BLTP3A: variants seen among roughly 807,000 people sequenced by gnomAD.
The protein encoded by BLTP3A is ICBP90 binding protein 1.
chr6:34,801,136 G>A, the BLTP3A span, among the ~76,000 whole-genome samples: 1 of 152,150 alleles, frequency 6.6e-6, no homozygotes, highest in African/African-American at 2.4e-5. Flanking sequence ...GAGTGCATTG[G>A]TTGTATGTAG....
At chr6:34,847,021 A>G in the BLTP3A span, among the ~76,000 whole-genome samples, 1 of 152,176 alleles carries the variant, frequency 6.6e-6, no homozygotes, top group Non-Finnish European at 1.5e-5. Flanking sequence ...TAAAATGATC[A>G]TATATTTTTG....
At chr6:34,818,925 T>TA in the BLTP3A span, among the ~76,000 whole-genome samples, 2 of 152,134 alleles carry the variant, frequency 1.3e-5, no homozygotes, top group African/African-American at 4.8e-5. Context: ...GCAAAAACAC[T>TA]AAAACATAGT....
chr6:34,792,879 ACCT>A, the BLTP3A span, among the ~76,000 whole-genome samples: 34 of 151,592 alleles, frequency 2.2e-4, no homozygotes, highest in African/African-American at 8.2e-4. Flanking sequence ...AGGAGCTCCC[ACCT>A]CCTCCTCTTC....
the BLTP3A span, among the ~76,000 whole-genome samples, chr6:34,861,938 A>G: frequency 6.6e-6 from 1 of 152,182 alleles, no homozygotes; most frequent in Non-Finnish European, 1.5e-5. Context: ...ATATATCATA[A>G]TTTATTGATC....
the BLTP3A span, chr6:34,836,223 G>C: frequency 1.2e-6 from 2 of 1,614,210 alleles, no homozygotes; most frequent in Non-Finnish European, 1.7e-6. Flanking sequence ...CAGGGCAACA[G>C]CAACAGCAGC....
chr6:34,822,175 T>G, the BLTP3A span, among the ~76,000 whole-genome samples: 1 of 152,130 alleles, frequency 6.6e-6, no homozygotes, highest in African/African-American at 2.4e-5. Context: ...CCAGGACTTC[T>G]CAGTTGTTTT....
At chr6:34,807,300 C>A in the BLTP3A span, among the ~76,000 whole-genome samples, 3 of 149,478 alleles carry the variant, frequency 2.0e-5, no homozygotes, top group Admixed American at 6.7e-5. Context: ...ACCGTGGGAG[C>A]TGAATGGTCA....
the BLTP3A span, among the ~76,000 whole-genome samples, chr6:34,833,756 G>A: frequency 6.6e-6 from 1 of 151,554 alleles, no homozygotes; most frequent in African/African-American, 2.4e-5. Context: ...GGGAAACCCC[G>A]TCTCTACTAA....
the BLTP3A span, among the ~76,000 whole-genome samples, chr6:34,798,714 A>AAAAGAT: frequency 6.6e-6 from 1 of 150,792 alleles, no homozygotes; most frequent in Non-Finnish European, 1.5e-5. Flanking sequence ...ATATATCAGA[A>AAAAGAT]CCTTGAAAGC....
chr6:34,832,312 A>G, the BLTP3A span, among the ~76,000 whole-genome samples: 3 of 151,782 alleles, frequency 2.0e-5, no homozygotes, highest in African/African-American at 7.3e-5. Context: ...TGTAGTGACC[A>G]GGTCTCACTA....
chr6:34,869,477 T>C, the BLTP3A span, among the ~76,000 whole-genome samples: 11 of 152,140 alleles, frequency 7.2e-5, no homozygotes, highest in African/African-American at 2.4e-5. Flanking sequence ...TAATGTATTT[T>C]TAGCTTTTTT....
the BLTP3A span, among the ~76,000 whole-genome samples, chr6:34,852,428 G>A: frequency 3.3e-5 from 5 of 152,116 alleles, no homozygotes; most frequent in East Asian, 1.9e-4. Context: ...AATGTCATGC[G>A]GGAGCTAGAG....
chr6:34,822,585 C>T, the BLTP3A span, among the ~76,000 whole-genome samples: 12 of 152,030 alleles, frequency 7.9e-5, no homozygotes, highest in East Asian at 5.8e-4. Flanking sequence ...TGGTTTGGGC[C>T]GGGTGCGGTG....
the BLTP3A span, among the ~76,000 whole-genome samples, chr6:34,847,568 C>T: frequency 1.3e-5 from 2 of 151,808 alleles, no homozygotes; most frequent in African/African-American, 4.8e-5. Context: ...TCCTTTTCTT[C>T]TTGGTTTTCC....
chr6:34,836,696 CAG>C, the BLTP3A span, among the ~76,000 whole-genome samples: 1 of 152,150 alleles, frequency 6.6e-6, no homozygotes, highest in Non-Finnish European at 1.5e-5. Flanking sequence ...TGATGCTTAT[CAG>C]AGGTTGAAAA....
At chr6:34,820,131 A>T in the BLTP3A span, among the ~76,000 whole-genome samples, 4 of 151,976 alleles carry the variant, frequency 2.6e-5, no homozygotes, top group African/African-American at 7.2e-5. Context: ...TCTTAACTTC[A>T]TGTAGCTCCC....
chr6:34,792,348 C>T, the BLTP3A span: 1 of 1,459,694 alleles, frequency 6.9e-7, no homozygotes, highest in Non-Finnish European at 9.1e-7. Flanking sequence ...TAACCCTCTC[C>T]GACCTCCTCC....
the BLTP3A span, among the ~76,000 whole-genome samples, chr6:34,862,204 C>G: frequency 1.3e-5 from 2 of 150,874 alleles, no homozygotes; most frequent in Admixed American, 6.6e-5. Context: ...AGTGAAATCC[C>G]GTCTCTACTA....
the BLTP3A span, among the ~76,000 whole-genome samples, chr6:34,865,262 C>T: frequency 6.6e-6 from 1 of 152,194 alleles, no homozygotes; most frequent in Non-Finnish European, 1.5e-5. Flanking sequence ...AGTTGTTTTA[C>T]ATTCCATGTG....
Sources: gnomAD v4.1 joint callset for allele counts (sites outside exome capture counted in the v4.1 genomes callset) on GRCh38, gnomAD v4.1.1 for gene constraint, MANE v1.5 for transcripts, NCBI Gene and HGNC (gene_info 2026-07-23, HGNC 2026-07-21) for gene names.